Variants in PDE4B observed in about 807,000 individuals in gnomAD.
PDE4B encodes the protein phosphodiesterase 4B.
A neutral mutation model predicts 82.2 loss-of-function variants in PDE4B; 20 were observed. The ratio of observed to expected loss-of-function variants is 0.24; its 90% CI spans 0.17 to 0.35. The LOEUF (loss-of-function observed/expected upper bound fraction) is 0.35, where lower values mean the gene tolerates loss of function less well. PDE4B is among the 10% of genes least tolerant of loss of function. The probability of loss-of-function intolerance (pLI) is 1.00; values close to 1 mark genes in which losing one functional copy is unlikely to be tolerated. For synonymous variants in PDE4B, 320 were observed against 318.9 expected, an observed-to-expected ratio of 1.00 and a Z score of -0.04; for missense variants, 655 against 907.2, an observed-to-expected ratio of 0.72 and a Z score of 3.57.
chr1:65,993,043 C>A, intron 3 of PDE4B: 1 of 1,613,954 alleles, frequency 6.2e-7, no homozygotes, highest in South Asian at 1.1e-5. Context: ...CCTAAAATTT[C>A]TCCACGCAGT....
At chr1:66,293,164 A>C (rs959402542) in intron 7 of PDE4B, among the ~76,000 whole-genome samples, 1 of 152,068 alleles carries the variant, frequency 6.6e-6, no homozygotes, top group African/African-American at 2.4e-5. Flanking sequence ...TCAGGCGGGG[A>C]GGGAGGGAGA....
At chr1:66,036,969 C>G (rs1410782099) in intron 3 of PDE4B, among the ~76,000 whole-genome samples, 1 of 151,814 alleles carries the variant, frequency 6.6e-6, no homozygotes, top group Non-Finnish European at 1.5e-5. Flanking sequence ...CCCGTCTCTA[C>G]TAAAAATACA....
At chr1:66,241,497 A>AT (rs1176976608) in intron 3 of PDE4B, among the ~76,000 whole-genome samples, 1 of 152,048 alleles carries the variant, frequency 6.6e-6, no homozygotes, top group Admixed American at 6.5e-5. Flanking sequence ...GAAGACATTC[A>AT]TTTCTTTTTC....
At chr1:65,826,078 C>T (rs1217016303) in intron 1 of PDE4B, among the ~76,000 whole-genome samples, 1 of 152,154 alleles carries the variant, frequency 6.6e-6, no homozygotes, top group Non-Finnish European at 1.5e-5. Context: ...GGAGTTTTAA[C>T]AAACTCTTCA....
At chr1:66,033,963 G>A (rs533014124) in intron 3 of PDE4B, among the ~76,000 whole-genome samples, 1 of 152,188 alleles carries the variant, frequency 6.6e-6, no homozygotes, top group African/African-American at 2.4e-5. Context: ...GACACATACA[G>A]GTCTCAGCCA....
chr1:66,257,014 A>C (rs1401059163), intron 4 of PDE4B, among the ~76,000 whole-genome samples: 1 of 152,234 alleles, frequency 6.6e-6, no homozygotes, highest in Non-Finnish European at 1.5e-5. Flanking sequence ...AGATTTACAT[A>C]ACACTAGGTA....
At chr1:66,315,272 C>A (rs564829530) in intron 7 of PDE4B, among the ~76,000 whole-genome samples, 14 of 152,262 alleles carry the variant, frequency 9.2e-5, no homozygotes, top group African/African-American at 2.9e-4. Flanking sequence ...AGCTCTTAAG[C>A]ATTTGGAGTT....
At chr1:65,885,083 T>G (rs1008582510) in intron 1 of PDE4B, among the ~76,000 whole-genome samples, 4 of 152,138 alleles carry the variant, frequency 2.6e-5, no homozygotes, top group African/African-American at 9.7e-5. Context: ...AAGAGGACAT[T>G]TATGCAGCCA....
At chr1:66,186,209 C>T (rs1647205981) in intron 3 of PDE4B, among the ~76,000 whole-genome samples, 1 of 152,082 alleles carries the variant, frequency 6.6e-6, no homozygotes, top group Admixed American at 6.6e-5. Context: ...TGTTTTGGTA[C>T]CAGCACCATG....
chr1:66,146,059 T>A (rs527512377), intron 3 of PDE4B, among the ~76,000 whole-genome samples: 1 of 152,246 alleles, frequency 6.6e-6, no homozygotes, highest in East Asian at 1.9e-4. Context: ...GGAAGTAACC[T>A]TTAACATCTG....
At chr1:65,882,296 T>A (rs968454447) in intron 1 of PDE4B, among the ~76,000 whole-genome samples, 1 of 152,228 alleles carries the variant, frequency 6.6e-6, no homozygotes. Flanking sequence ...TGTTTCCAAC[T>A]GGCTGACTTT....
At chr1:66,199,433 C>A (rs1461751408) in intron 3 of PDE4B, among the ~76,000 whole-genome samples, 1 of 151,952 alleles carries the variant, frequency 6.6e-6, no homozygotes, top group Non-Finnish European at 1.5e-5. Flanking sequence ...CTGTTCATAT[C>A]CTTCGCCCAC....
chr1:65,853,494 G>A (rs2100222328), intron 1 of PDE4B, among the ~76,000 whole-genome samples: 1 of 146,638 alleles, frequency 6.8e-6, no homozygotes, highest in East Asian at 2.0e-4. Flanking sequence ...AAAATATTTT[G>A]TGTTATTCTT....
chr1:66,368,104 C>G (rs776394695), intron 15 of PDE4B, 39 bp downstream of exon 15: 1 of 1,600,002 alleles, frequency 6.2e-7, no homozygotes, highest in Non-Finnish European at 8.5e-7. Flanking sequence ...CAAAACCAAA[C>G]CAAACTAAGC....
chr1:66,256,764 G>A (rs1461853613), intron 4 of PDE4B, among the ~76,000 whole-genome samples: 1 of 152,160 alleles, frequency 6.6e-6, no homozygotes, highest in Admixed American at 6.5e-5. Context: ...CAATGATGAG[G>A]ACAGGGAAGG....
intron 3 of PDE4B, among the ~76,000 whole-genome samples, chr1:65,962,697 G>A (rs959472533): frequency 6.6e-6 from 1 of 152,094 alleles, no homozygotes; most frequent in African/African-American, 2.4e-5. Flanking sequence ...ATGAAACCTC[G>A]GAGAGAAATG....
intron 3 of PDE4B, among the ~76,000 whole-genome samples, chr1:66,193,520 G>C (rs1005011093): frequency 2.6e-5 from 4 of 151,904 alleles, no homozygotes; most frequent in Admixed American, 2.6e-4. Flanking sequence ...GACCTGTGAG[G>C]GATACTTCAG....
chr1:66,136,481 G>A (rs771979535), intron 3 of PDE4B, among the ~76,000 whole-genome samples: 8 of 151,868 alleles, frequency 5.3e-5, no homozygotes, highest in African/African-American at 1.2e-4. Flanking sequence ...AGGCCAAGGC[G>A]GGCAGATCTC....
At chr1:66,344,583 T>C (rs191181803) in intron 8 of PDE4B, among the ~76,000 whole-genome samples, 2 of 152,298 alleles carry the variant, frequency 1.3e-5, no homozygotes, top group Admixed American at 1.3e-4. Flanking sequence ...TTTAGGGCCT[T>C]TAATACAGTG....
Sources: gnomAD v4.1 joint callset for allele counts (sites outside exome capture counted in the v4.1 genomes callset) on GRCh38, gnomAD v4.1.1 for gene constraint, MANE v1.5 for transcripts, NCBI Gene and HGNC (gene_info 2026-07-23, HGNC 2026-07-21) for gene names.